The following PXDNL variants were observed in gnomAD, a reference collection of about 807,000 sequenced individuals.
PXDNL encodes the protein probable oxidoreductase PXDNL.
In PXDNL, 145 loss-of-function variants were observed where a neutral mutation model predicts 150.8. The ratio of observed to expected loss-of-function variants is 0.96; its 90% CI spans 0.84 to 1.10. The LOEUF is 1.10. Ranked by LOEUF, PXDNL falls within the 50% of genes least tolerant of loss-of-function variation. PXDNL has a pLI of 0.00. For missense variants in PXDNL, 2,087 were observed against 1,873.9 expected (o/e 1.11, Z -2.10); for synonymous variants, 757 against 725.7 (o/e 1.04, Z -0.69).
Position 51,517,906 on chromosome 8 carries a change from T to C in PXDNL, c.381-18136A>G, listed in dbSNP as rs543029889. Among the ~76,000 whole-genome samples the C allele has an allele frequency of 2.7e-4, 41 of 152,276 alleles. No individual in the cohort carries two copies. The South Asian group carries it at 8.5e-3, about 32-fold the overall frequency. Reference sequence around the variant, plus strand: ...TGTTCTCCACTCTATTTCTTTATAGTTGGGTGTAAAATCAAATGAAACGTA... The same window carrying C: ...TGTTCTCCACTCTATTTCTTTATAGCTGGGTGTAAAATCAAATGAAACGTA... On this transcript the variant is annotated intron_variant, in intron 4 of 22. Coordinates refer to ENST00000356297, the MANE Select transcript of PXDNL (RefSeq NM_144651.5).
At position 51,320,014 on chromosome 8, in the gene PXDNL, C is replaced by G. The variant is rs202165364; in HGVS notation, c.4269G>C (p.Gln1423His). Reference sequence around the variant, plus strand: ...GACAAATCTCCACCACACAGGTGACCTGGCCACTCTGAAAGGCAGCATGCA... The same window carrying G: ...GACAAATCTCCACCACACAGGTGACGTGGCCACTCTGAAAGGCAGCATGCA... ...DCTHCICESG[Q>H]VTCVVEICPP... The change falls in exon 23 of 23, where the codon CAG (glutamine) becomes CAC (histidine). Residue 1423 changes from glutamine (Q) to histidine (H), a missense_variant. By Grantham distance (24) the Gln-to-His change is conservative. Coordinates refer to ENST00000356297, the MANE Select transcript of PXDNL (RefSeq NM_144651.5). The G allele has an allele frequency of 6.6e-7, 1 of 1,517,786 alleles. No individual in the cohort carries two copies. The highest frequency in any genetic ancestry group is 1.4e-5 in the African/African-American group (1 of 71,274). The allele number at this position is 1,517,786 out of a possible 1,614,324, so 94.0% of individuals were successfully genotyped here. A position where few individuals can be genotyped will look rare whatever the true frequency, so the allele number is the denominator to read the frequency against.
chr8:51,510,620 A>G (rs1811392659), intron 4 of PXDNL, among the ~76,000 whole-genome samples: 1 of 152,196 alleles, frequency 6.6e-6, no homozygotes, highest in Non-Finnish European at 1.5e-5. Flanking sequence ...AGATGAGATA[A>G]AACCGTCCCA....
chr8:51,347,133 G>A (rs919074055), intron 19 of PXDNL, among the ~76,000 whole-genome samples: 4 of 152,074 alleles, frequency 2.6e-5, no homozygotes, highest in Non-Finnish European at 5.9e-5. Context: ...CCATGCAATC[G>A]AATTTAACAC....
chr8:51,341,786 C>T (rs1805990954), intron 20 of PXDNL, among the ~76,000 whole-genome samples: 1 of 152,110 alleles, frequency 6.6e-6, no homozygotes, highest in African/African-American at 2.4e-5. Context: ...GCACCTCACA[C>T]CTGTTAGGAT....
intron 1 of PXDNL, among the ~76,000 whole-genome samples, chr8:51,737,068 C>T (rs965643988): frequency 1.5e-4 from 23 of 152,160 alleles, no homozygotes; most frequent in Admixed American, 4.6e-4. Context: ...TTCATTCCCA[C>T]AAATTTGGCA....
chr8:51,744,211 A>C (rs909886970), intron 1 of PXDNL, among the ~76,000 whole-genome samples: 16 of 150,186 alleles, frequency 1.1e-4, no homozygotes, highest in Non-Finnish European at 2.1e-4. Flanking sequence ...AAGAAAAGAA[A>C]GGAAGGAAGG....
intron 4 of PXDNL, among the ~76,000 whole-genome samples, chr8:51,524,433 G>A (rs1267365663): frequency 2.0e-5 from 3 of 152,100 alleles, no homozygotes; most frequent in Non-Finnish European, 2.9e-5. Context: ...CTCTAAAAGG[G>A]CAATACATTT....
At chr8:51,641,425 A>G (rs1487272398) in intron 2 of PXDNL, among the ~76,000 whole-genome samples, 2 of 151,332 alleles carry the variant, frequency 1.3e-5, no homozygotes, top group South Asian at 2.1e-4. Context: ...GCAACCTAAA[A>G]AATGGGAGAA....
At chr8:51,662,344 C>G (rs1815292666) in intron 1 of PXDNL, among the ~76,000 whole-genome samples, 2 of 151,682 alleles carry the variant, frequency 1.3e-5, no homozygotes, top group South Asian at 2.1e-4. Flanking sequence ...ATGGTGAAAC[C>G]CAGTCTCTAC....
At chr8:51,334,782 A>T (rs1387168545) in intron 21 of PXDNL, among the ~76,000 whole-genome samples, 1 of 152,206 alleles carries the variant, frequency 6.6e-6, no homozygotes. Flanking sequence ...TTCCTTCCTC[A>T]TATACTTAGA....
intron 5 of PXDNL, among the ~76,000 whole-genome samples, chr8:51,488,801 GA>G (rs557365903): frequency 3.9e-4 from 59 of 152,152 alleles, no homozygotes; most frequent in African/African-American, 1.4e-3. Flanking sequence ...GGTTAATTAG[GA>G]ACATGAAAAA....
At chr8:51,329,893 C>T (rs765701456) in intron 21 of PXDNL, among the ~76,000 whole-genome samples, 5 of 152,166 alleles carry the variant, frequency 3.3e-5, no homozygotes, top group Non-Finnish European at 5.9e-5. Flanking sequence ...AATCTTCTGT[C>T]TGCAAGCTGG....
intron 18 of PXDNL, among the ~76,000 whole-genome samples, chr8:51,373,929 T>C (rs1229822017): frequency 1.3e-5 from 2 of 152,210 alleles, no homozygotes; most frequent in Non-Finnish European, 2.9e-5. Context: ...TCTTGGTTAG[T>C]CTTGGAACAG....
In PXDNL at chr8:51,744,059, AAGGAAGGAAG is replaced by A. The variant is rs2036939802; in HGVS notation, c.164+65112_164+65121del. On this transcript the variant is annotated intron_variant, in intron 1 of 22. Coordinates refer to ENST00000356297, the MANE Select transcript of PXDNL (RefSeq NM_144651.5). ...GAAGGAAGGAAGGAAGGAAGGAAGG[AAGGAAGGAAG>A]GAAGGAAGGAAGGAAGGAAGGAAGG... 3.8e-3 allele frequency among the ~76,000 whole-genome samples: 271 copies of A among 71,186 alleles called. 9 individuals are homozygous for A. The highest frequency in any genetic ancestry group is 4.8e-3 in the Non-Finnish European group (151 of 31,764). The allele number at this position is 71,186 out of a possible 152,430, so 46.7% of individuals were successfully genotyped here. A position where few individuals can be genotyped will look rare whatever the true frequency, so the allele number is the denominator to read the frequency against.
intron 17 of PXDNL, among the ~76,000 whole-genome samples, chr8:51,387,044 G>A (rs2130826570): frequency 6.6e-6 from 1 of 152,170 alleles, no homozygotes; most frequent in Non-Finnish European, 1.5e-5. Context: ...ATTTCCCACT[G>A]TTCTACTCTT....
At chr8:51,780,654 C>CTTTTTTTTTTTTTTTTTTTTTTTTTTTTT (rs71237240) in intron 1 of PXDNL, among the ~76,000 whole-genome samples, 2 of 75,186 alleles carry the variant, frequency 2.7e-5, no homozygotes, top group African/African-American at 8.8e-5. Flanking sequence ...CTTTTCTTTT[C>CTTTTTTTTTTTTTTTTTTTTTTTTTTTTT]TTTTTTTTTT....
At chr8:51,710,601 T>C (rs1816478881) in intron 1 of PXDNL, among the ~76,000 whole-genome samples, 1 of 152,182 alleles carries the variant, frequency 6.6e-6, no homozygotes, top group South Asian at 2.1e-4. Context: ...ATACTCCACC[T>C]CCCTTAGGCC....
At chr8:51,598,442 G>A (rs1167889919) in intron 2 of PXDNL, among the ~76,000 whole-genome samples, 2 of 152,036 alleles carry the variant, frequency 1.3e-5, no homozygotes, top group African/African-American at 4.8e-5. Flanking sequence ...CATTATGAAG[G>A]GACGTTGAAT....
chr8:51,509,437 C>T (rs1811363370), intron 4 of PXDNL, among the ~76,000 whole-genome samples: 1 of 152,002 alleles, frequency 6.6e-6, no homozygotes, highest in Admixed American at 6.6e-5. Flanking sequence ...CTGATCTACA[C>T]AGTTCTGTGC....
Sources: allele counts gnomAD v4.1 joint callset (sites outside exome capture counted in the v4.1 genomes callset), GRCh38; gene constraint gnomAD v4.1.1; transcripts MANE v1.5; gene names NCBI Gene and HGNC (gene_info 2026-07-23, HGNC 2026-07-21).